SAXO1: variants seen among roughly 807,000 people sequenced by gnomAD.
The protein encoded by SAXO1 is stabilizer of axonemal microtubules 1.
Under a neutral mutation model 17.5 loss-of-function variants are expected in SAXO1, and 21 were observed. That is an observed-to-expected ratio of 1.20 (90% CI 0.85 to 1.72). The LOEUF (loss-of-function observed/expected upper bound fraction) is 1.72. Among genes scored for constraint, SAXO1 ranks in the 40% most tolerant of loss-of-function variants. SAXO1 has a pLI of 0.00. For missense variants in SAXO1, 843 were observed against 596.0 expected (o/e 1.41, Z -4.32); for synonymous variants, 274 against 216.5 (o/e 1.27, Z -2.33).
At chr9:18,984,756 C>T (rs1833530264) in intron 1 of SAXO1, among the ~76,000 whole-genome samples, 1 of 152,158 alleles carries the variant, frequency 6.6e-6, no homozygotes, top group African/African-American at 2.4e-5. Flanking sequence ...AGCAATAAGG[C>T]TATTTGCTTT....
intron 1 of SAXO1, among the ~76,000 whole-genome samples, chr9:18,991,239 T>C (rs10811081): frequency 0.56 from 85,125 of 151,980 alleles, 24,315 homozygotes; most frequent in Non-Finnish European, 0.63. Context: ...CCAGCCTGGG[T>C]GACAGAGCGA....
chr9:18,976,447 A>T (rs1259721445), intron 1 of SAXO1, among the ~76,000 whole-genome samples: 1 of 152,182 alleles, frequency 6.6e-6, no homozygotes, highest in African/African-American at 2.4e-5. Flanking sequence ...GTGGCCAGAA[A>T]CTTGGTAATA....
chr9:19,048,719 T>C (rs921613750), intron 1 of SAXO1, among the ~76,000 whole-genome samples: 12 of 152,204 alleles, frequency 7.9e-5, no homozygotes, highest in African/African-American at 2.9e-4. Flanking sequence ...TCTCTAACCT[T>C]TGATTCCCTA....
chr9:18,958,224 G>C (rs1200684356), intron 1 of SAXO1, among the ~76,000 whole-genome samples: 2 of 152,152 alleles, frequency 1.3e-5, no homozygotes, highest in Non-Finnish European at 2.9e-5. Flanking sequence ...AGGGGTTCGA[G>C]ACTAGCTTGG....
At chr9:19,040,286 C>T (rs1836047295) in intron 1 of SAXO1, among the ~76,000 whole-genome samples, 1 of 152,132 alleles carries the variant, frequency 6.6e-6, no homozygotes, top group Non-Finnish European at 1.5e-5. Context: ...CCTCCTGACA[C>T]ATGAGCATTT....
intron 1 of SAXO1, among the ~76,000 whole-genome samples, chr9:18,994,254 G>A (rs1412909624): frequency 2.6e-5 from 4 of 152,062 alleles, no homozygotes; most frequent in African/African-American, 9.7e-5. Flanking sequence ...GTTTTTACAT[G>A]TACATTTTCT....
intron 3 of SAXO1, among the ~76,000 whole-genome samples, chr9:18,934,033 C>CGA: frequency 6.6e-6 from 1 of 151,886 alleles, no homozygotes; most frequent in Middle Eastern, 3.4e-3. Flanking sequence ...AGTGACAGAG[C>CGA]GAGACTCCGT....
intron 1 of SAXO1, among the ~76,000 whole-genome samples, chr9:19,020,857 G>T (rs1401361411): frequency 1.3e-5 from 2 of 152,166 alleles, no homozygotes; most frequent in Non-Finnish European, 2.9e-5. Context: ...TGGTGACATT[G>T]TTTTAAGCAG....
At chr9:19,027,645 C>T in intron 1 of SAXO1, 2 of 1,396,664 alleles carry the variant, frequency 1.4e-6, no homozygotes, top group Non-Finnish European at 2.0e-6. Flanking sequence ...GTCCGGGATG[C>T]CTTCGCCCTG....
chr9:19,002,152 T>C (rs189051640), intron 1 of SAXO1, among the ~76,000 whole-genome samples: 4 of 152,028 alleles, frequency 2.6e-5, no homozygotes, highest in African/African-American at 4.8e-5. Flanking sequence ...CTGGAAGAAA[T>C]CGATAAATTC....
chr9:19,040,984 G>GAA (rs370231779), intron 1 of SAXO1, among the ~76,000 whole-genome samples: 3 of 144,034 alleles, frequency 2.1e-5, no homozygotes, highest in Non-Finnish European at 4.6e-5. Context: ...ATCCAAATTG[G>GAA]AAAAAAAAAA....
chr9:18,975,607 C>T (rs971934239), intron 1 of SAXO1, among the ~76,000 whole-genome samples: 2 of 152,180 alleles, frequency 1.3e-5, no homozygotes, highest in African/African-American at 4.8e-5. Context: ...AAAGGATAAA[C>T]TCCAGGCATA....
At chr9:18,997,901 A>G (rs1834077638) in intron 1 of SAXO1, among the ~76,000 whole-genome samples, 1 of 152,206 alleles carries the variant, frequency 6.6e-6, no homozygotes, top group South Asian at 2.1e-4. Context: ...AGGAAAACCA[A>G]CAGAAAGGAA....
intron 1 of SAXO1, among the ~76,000 whole-genome samples, chr9:19,010,912 A>C (rs1014703106): frequency 1.3e-5 from 2 of 152,190 alleles, no homozygotes; most frequent in Non-Finnish European, 2.9e-5. Flanking sequence ...GCTGTACATT[A>C]AGTGCTTGAC....
intron 1 of SAXO1, among the ~76,000 whole-genome samples, chr9:19,041,775 C>A (rs1312130303): frequency 6.6e-6 from 1 of 152,112 alleles, no homozygotes; most frequent in Non-Finnish European, 1.5e-5. Context: ...CTATCTCTTG[C>A]CATATACAAA....
chr9:18,961,470 T>C (rs1832480315), intron 1 of SAXO1, among the ~76,000 whole-genome samples: 1 of 152,196 alleles, frequency 6.6e-6, no homozygotes, highest in African/African-American at 2.4e-5. Flanking sequence ...GTATTACTCC[T>C]AATGCTATCC....
At chr9:18,977,114 C>T (rs1251583875) in intron 1 of SAXO1, among the ~76,000 whole-genome samples, 1 of 152,194 alleles carries the variant, frequency 6.6e-6, no homozygotes, top group Non-Finnish European at 1.5e-5. Context: ...TATGGAATCC[C>T]GCTGTGGTTG....
intron 1 of SAXO1, among the ~76,000 whole-genome samples, chr9:18,970,959 C>T (rs1384586516): frequency 6.6e-6 from 1 of 152,136 alleles, no homozygotes; most frequent in African/African-American, 2.4e-5. Flanking sequence ...GTTAAGGTTT[C>T]AGGAGTCTTT....
At chr9:18,951,644 A>G (rs1832044257) in intron 1 of SAXO1, among the ~76,000 whole-genome samples, 1 of 152,126 alleles carries the variant, frequency 6.6e-6, no homozygotes. Context: ...CTGTGTGTGC[A>G]CATATTTTCT....
Sources: gnomAD v4.1 joint callset for allele counts (sites outside exome capture counted in the v4.1 genomes callset) on GRCh38, gnomAD v4.1.1 for gene constraint, MANE v1.5 for transcripts, NCBI Gene and HGNC (gene_info 2026-07-23, HGNC 2026-07-21) for gene names.